Variants in NSMCE2 observed in about 807,000 individuals in gnomAD.
NSMCE2 encodes the protein NSE2 SUMO ligase component of SMC5/6 complex, also known as E3 SUMO-protein ligase NSE2.
NSMCE2 carries 24 observed loss-of-function variants against 23.8 expected under a neutral mutation model. That is an observed-to-expected ratio of 1.01 (90% CI 0.73 to 1.42). The LOEUF (loss-of-function observed/expected upper bound fraction) is 1.42. NSMCE2 is among the 40% of genes most tolerant of loss of function. The probability of loss-of-function intolerance (pLI) is 0.00; values close to 1 mark genes in which losing one functional copy is unlikely to be tolerated. For missense variants in NSMCE2, 284 were observed against 296.5 expected, an observed-to-expected ratio of 0.96 and a Z score of 0.31; for synonymous variants, 92 against 94.1, an observed-to-expected ratio of 0.98 and a Z score of 0.13.
chr8:125,302,543 G>T (rs1365630512), intron 5 of NSMCE2, among the ~76,000 whole-genome samples: 1 of 152,156 alleles, frequency 6.6e-6, no homozygotes, highest in Non-Finnish European at 1.5e-5. Context: ...AGAATTGAGA[G>T]AAGAATGATA....
intron 5 of NSMCE2, among the ~76,000 whole-genome samples, chr8:125,327,265 CAAAAAAAA>C (rs59574355): frequency 2.0e-4 from 24 of 118,666 alleles, no homozygotes; most frequent in Non-Finnish European, 2.5e-4. Context: ...GACTCCATCT[CAAAAAAAA>C]AAAAAAAAAA....
At chr8:125,170,479 T>C (rs1822141699) in intron 4 of NSMCE2, among the ~76,000 whole-genome samples, 1 of 134,972 alleles carries the variant, frequency 7.4e-6, no homozygotes, top group African/African-American at 2.7e-5. Context: ...CTGTCTCGGC[T>C]CACTGCAAAC....
chr8:125,327,807 A>C (rs929124335), intron 5 of NSMCE2, among the ~76,000 whole-genome samples: 7 of 152,150 alleles, frequency 4.6e-5, no homozygotes, highest in Admixed American at 3.9e-4. Flanking sequence ...ATTTAAAGGC[A>C]TGACTGTATT....
chr8:125,313,647 G>A (rs1057221051), intron 5 of NSMCE2, among the ~76,000 whole-genome samples: 3 of 152,164 alleles, frequency 2.0e-5, no homozygotes, highest in African/African-American at 7.2e-5. Flanking sequence ...CGGTCATCCT[G>A]TGCCTTCTAC....
chr8:125,294,941 C>T (rs1177601940), intron 5 of NSMCE2, among the ~76,000 whole-genome samples: 1 of 152,174 alleles, frequency 6.6e-6, no homozygotes, highest in Non-Finnish European at 1.5e-5. Context: ...TTTTATCAGT[C>T]AAGATTAGTG....
intron 5 of NSMCE2, among the ~76,000 whole-genome samples, chr8:125,217,217 T>C (rs1352282313): frequency 6.6e-6 from 1 of 152,210 alleles, no homozygotes; most frequent in Non-Finnish European, 1.5e-5. Flanking sequence ...TTACATATTA[T>C]GCTTGTGCTA....
At chr8:125,321,260 A>AT (rs74344708) in intron 5 of NSMCE2, among the ~76,000 whole-genome samples, 8 of 152,092 alleles carry the variant, frequency 5.3e-5, no homozygotes, top group Non-Finnish European at 1.2e-4. Context: ...TACACACAGG[A>AT]TTTTTTTTCT....
At chr8:125,294,680 A>G (rs1411556788) in intron 5 of NSMCE2, among the ~76,000 whole-genome samples, 1 of 152,206 alleles carries the variant, frequency 6.6e-6, no homozygotes, top group Non-Finnish European at 1.5e-5. Flanking sequence ...TACAAGATGA[A>G]TGTCATTTAT....
intron 3 of NSMCE2, among the ~76,000 whole-genome samples, chr8:125,144,054 G>A (rs116330297): frequency 3.0e-3 from 458 of 152,250 alleles, no homozygotes; most frequent in African/African-American, 0.01. Context: ...AAAGAGGGGG[G>A]GAAAGTCCTT....
chr8:125,289,596 G>A (rs1828031411), intron 5 of NSMCE2, among the ~76,000 whole-genome samples: 3 of 152,278 alleles, frequency 2.0e-5, no homozygotes, highest in East Asian at 1.9e-4. Flanking sequence ...AGACCAAGTC[G>A]TGCTCCTTTT....
chr8:125,153,054 C>T (rs1294580789), intron 4 of NSMCE2, among the ~76,000 whole-genome samples: 1 of 58,750 alleles, frequency 1.7e-5, no homozygotes, highest in African/African-American at 2.0e-4. Flanking sequence ...GAGACTCCGT[C>T]TCAAAAAAAA....
chr8:125,262,258 T>C (rs1040565084), intron 5 of NSMCE2, among the ~76,000 whole-genome samples: 1 of 151,920 alleles, frequency 6.6e-6, no homozygotes, highest in South Asian at 2.1e-4. Context: ...ACCCCGTCTC[T>C]ACTAAAAATA....
At chr8:125,342,000 A>G (rs2131328307) in intron 5 of NSMCE2, among the ~76,000 whole-genome samples, 1 of 150,406 alleles carries the variant, frequency 6.6e-6, no homozygotes, top group Non-Finnish European at 1.5e-5. Context: ...GATGTGTTTG[A>G]TATGTTAATT....
At chr8:125,237,614 A>G (rs538025685) in intron 5 of NSMCE2, among the ~76,000 whole-genome samples, 1 of 152,348 alleles carries the variant, frequency 6.6e-6, no homozygotes, top group South Asian at 2.1e-4. Context: ...TAATTCAGTT[A>G]TGCCCTATTC....
In NSMCE2 at chr8:125,195,623, A is replaced by G. The variant is rs77794773; in HGVS notation, c.418+13367A>G. Among the ~76,000 whole-genome samples, 616 of 152,272 alleles carry G rather than the reference A, an allele frequency of 4.0e-3. 3 individuals are homozygous for G. The highest frequency in any genetic ancestry group is 0.014 in the African/African-American group (589 of 41,546). ...CATTCATTCAACAGATGTTCATTTA[A>G]TATGCTGGGAATATGGCAGTGAACA... On this transcript the variant is annotated intron_variant, in intron 5 of 7. Coordinates refer to ENST00000287437, the MANE Select transcript of NSMCE2 (RefSeq NM_173685.4).
intron 5 of NSMCE2, among the ~76,000 whole-genome samples, chr8:125,209,732 AACTT>A (rs1268323080): frequency 5.9e-5 from 9 of 152,248 alleles, no homozygotes; most frequent in East Asian, 5.8e-4. Context: ...AATACTGTCT[AACTT>A]AATTGCTACC....
chr8:125,135,819 A>G (rs1820039784), intron 3 of NSMCE2, among the ~76,000 whole-genome samples: 1 of 152,216 alleles, frequency 6.6e-6, no homozygotes, highest in Non-Finnish European at 1.5e-5. Context: ...GCTTTATGAT[A>G]AATCTTGAAA....
chr8:125,284,218 A>T (rs1017387277), intron 5 of NSMCE2, among the ~76,000 whole-genome samples: 2 of 151,756 alleles, frequency 1.3e-5, no homozygotes, highest in Non-Finnish European at 2.9e-5. Context: ...AAGAAAAAAA[A>T]TTTTAAGTTC....
At chr8:125,297,492 T>A (rs977873453) in intron 5 of NSMCE2, among the ~76,000 whole-genome samples, 14 of 152,204 alleles carry the variant, frequency 9.2e-5, no homozygotes, top group Admixed American at 7.9e-4. Context: ...TAAGGCCTGC[T>A]TCTCCACATT....
Sources: gnomAD v4.1 joint callset for allele counts (sites outside exome capture counted in the v4.1 genomes callset) on GRCh38, gnomAD v4.1.1 for gene constraint, MANE v1.5 for transcripts, NCBI Gene and HGNC (gene_info 2026-07-23, HGNC 2026-07-21) for gene names.